LRP6: variants seen among roughly 807,000 people sequenced by gnomAD.
LRP6 encodes LDL receptor related protein 6, also known as low-density lipoprotein receptor-related protein 6.
In LRP6, 43 loss-of-function variants were observed where a neutral mutation model predicts 184.1. The observed-to-expected ratio is 0.23, with a 90% CI of 0.18 to 0.30. The LOEUF is 0.30. LRP6 is among the 10% of genes least tolerant of loss of function. LRP6 has a pLI of 1.00. For missense variants in LRP6, 1,571 were observed against 2,005.3 expected, an observed-to-expected ratio of 0.78 and a Z score of 4.14; for synonymous variants, 719 against 684.9, an observed-to-expected ratio of 1.05 and a Z score of -0.78.
rs192325150 is a variant in LRP6, at chr12:12,196,888, C to T, written c.647+6315G>A. On this transcript the variant is annotated intron_variant, in intron 3 of 22. Coordinates refer to ENST00000261349, the MANE Select transcript of LRP6 (RefSeq NM_002336.3). The stretch of plus-strand genomic sequence containing the variant: ...TTCTTCTTGTGATGTTAGTAGCCAT[C>T]GACGCTCACCACCTAGACCCATTCG... Among the ~76,000 whole-genome samples, 8 of 152,150 alleles carry T rather than the reference C, an allele frequency of 5.3e-5. No homozygotes were observed. In the East Asian group the frequency reaches 1.5e-3, roughly 29 times the overall value.
At chr12:12,170,461 A>C (rs1206616010) in intron 7 of LRP6, among the ~76,000 whole-genome samples, 1 of 149,804 alleles carries the variant, frequency 6.7e-6, no homozygotes, top group Non-Finnish European at 1.5e-5. Flanking sequence ...TTTTTTTTTT[A>C]ATACTAGGTC....
chr12:12,230,433 G>C (rs1864753619), intron 2 of LRP6, among the ~76,000 whole-genome samples: 1 of 151,886 alleles, frequency 6.6e-6, no homozygotes, highest in East Asian at 1.9e-4. Context: ...CTAGACTAAA[G>C]GGATGAAATT....
rs571622261 is a variant in LRP6 at position 12,236,199 on chromosome 12, C to T, written c.449+8063G>A. Reference sequence around the variant, plus strand: ...CCAAGATGGCGCCACTGCACTCCAGCCTGGGCGACAGAGCAAAACTCCGTC... The same window carrying T: ...CCAAGATGGCGCCACTGCACTCCAGTCTGGGCGACAGAGCAAAACTCCGTC... On this transcript the variant is annotated intron_variant, in intron 2 of 22. Coordinates refer to ENST00000261349, the MANE Select transcript of LRP6 (RefSeq NM_002336.3). 5.9e-5 allele frequency among the ~76,000 whole-genome samples: 9 copies of T among 152,148 alleles called. No individual in the cohort carries two copies. In the South Asian group the frequency reaches 1.7e-3, roughly 28 times the overall value.
chr12:12,194,068 T>A (rs1403595814), intron 3 of LRP6, among the ~76,000 whole-genome samples: 3 of 152,036 alleles, frequency 2.0e-5, no homozygotes, highest in Non-Finnish European at 4.4e-5. Context: ...AAATTCACCA[T>A]GTTCATAAAA....
intron 10 of LRP6, among the ~76,000 whole-genome samples, chr12:12,161,694 C>G (rs1862745578): frequency 6.6e-6 from 1 of 152,208 alleles, no homozygotes; most frequent in Non-Finnish European, 1.5e-5. Flanking sequence ...ATGTTGTGAA[C>G]AGTTTATTCT....
chr12:12,149,850 C>T (rs1187109634), intron 13 of LRP6, among the ~76,000 whole-genome samples: 2 of 152,184 alleles, frequency 1.3e-5, no homozygotes, highest in Non-Finnish European at 2.9e-5. Flanking sequence ...GCCATCTGAA[C>T]TGTATCTTAC....
intron 15 of LRP6, among the ~76,000 whole-genome samples, chr12:12,145,757 G>A (rs1949998733): frequency 2.0e-5 from 3 of 150,208 alleles, no homozygotes; most frequent in African/African-American, 4.9e-5. Flanking sequence ...TCAGCCTGCC[G>A]AGTAGCTGAG....
chr12:12,140,756 A>G (rs1949921216), intron 15 of LRP6, among the ~76,000 whole-genome samples: 1 of 152,044 alleles, frequency 6.6e-6, no homozygotes, highest in South Asian at 2.1e-4. Context: ...CGCACCCGTC[A>G]CCATGCCAGG....
intron 3 of LRP6, among the ~76,000 whole-genome samples, chr12:12,192,662 G>A (rs1863647837): frequency 6.6e-6 from 1 of 151,966 alleles, no homozygotes; most frequent in African/African-American, 2.4e-5. Flanking sequence ...ACAGTGGCAG[G>A]TTTTATGAGA....
intron 2 of LRP6, among the ~76,000 whole-genome samples, chr12:12,216,776 T>C (rs1251232768): frequency 1.3e-5 from 2 of 152,038 alleles, no homozygotes; most frequent in Non-Finnish European, 2.9e-5. Flanking sequence ...CTTAAGGCCA[T>C]TTTCCAGAAT....
chr12:12,171,101 C>G (rs992119307), intron 7 of LRP6, among the ~76,000 whole-genome samples: 1 of 139,396 alleles, frequency 7.2e-6, no homozygotes, highest in African/African-American at 3.4e-5. Flanking sequence ...TCATGGTCGT[C>G]TCTACTCTGC....
chr12:12,199,373 GA>G (rs908730922), intron 3 of LRP6, among the ~76,000 whole-genome samples: 3 of 151,254 alleles, frequency 2.0e-5, no homozygotes, highest in Non-Finnish European at 4.4e-5. Flanking sequence ...ACTTTGAAGT[GA>G]AAAAAAAGGT....
intron 2 of LRP6, among the ~76,000 whole-genome samples, chr12:12,206,038 C>T (rs1363908854): frequency 6.6e-6 from 1 of 152,200 alleles, no homozygotes; most frequent in Non-Finnish European, 1.5e-5. Context: ...ACTGCCACCA[C>T]ATTCAGTATC....
intron 12 of LRP6, among the ~76,000 whole-genome samples, chr12:12,153,323 G>A (rs1950106481): frequency 6.6e-6 from 1 of 152,084 alleles, no homozygotes; most frequent in Non-Finnish European, 1.5e-5. Context: ...ACCCCCTTCT[G>A]TTTAAAAGAC....
At chr12:12,230,754 C>G (rs1864762081) in intron 2 of LRP6, among the ~76,000 whole-genome samples, 1 of 152,110 alleles carries the variant, frequency 6.6e-6, no homozygotes, top group Non-Finnish European at 1.5e-5. Context: ...TACAAAACAT[C>G]TAGAACTACT....
rs183488864 is a variant in LRP6 at position 12,173,081 on chromosome 12, A to G, written c.1545+6729T>C. Among the ~76,000 whole-genome samples the G allele has an allele frequency of 7.0e-3, 1,059 of 152,272 alleles. 15 individuals are homozygous for G. Among genetic ancestry groups the G allele is most frequent in the Non-Finnish European group, 7.5e-3 (509 of 68,018 alleles). On this transcript the variant is annotated intron_variant, in intron 7 of 22. Transcript: ENST00000261349. ...AATTACTATGCTCTTTTTCTGTTAGAGCTAAAAATTGCTACTGTGACCAAA... is the reference window on the plus strand; with the variant it reads ...AATTACTATGCTCTTTTTCTGTTAGGGCTAAAAATTGCTACTGTGACCAAA...
intron 19 of LRP6, 131 bp downstream of exon 19, chr12:12,130,652 C>A: frequency 1.5e-6 from 1 of 648,900 alleles, no homozygotes. Flanking sequence ...AAAACCTTCA[C>A]ACAAATAATT....
At position 12,116,381 on chromosome 12, in the gene LRP6, T is replaced by C. The variant is rs1949520051; in HGVS notation, c.*4745A>G. On this transcript the variant is annotated 3_prime_UTR_variant, in exon 23 of 23. Coordinates refer to ENST00000261349, the MANE Select transcript of LRP6 (RefSeq NM_002336.3). ...TGCAAATAAGGCTAGTCCAGTTTAATCTTCTTGGTATCCTCTCTACTTTTT... is the reference window on the plus strand; with the variant it reads ...TGCAAATAAGGCTAGTCCAGTTTAACCTTCTTGGTATCCTCTCTACTTTTT... The C allele has an allele frequency of 6.6e-6, 1 of 152,224 alleles. No homozygotes were observed. The highest frequency in any genetic ancestry group is 2.1e-4 in the South Asian group (1 of 4,834). The allele number at this position is 152,224 out of a possible 1,614,324, so 9.4% of individuals were successfully genotyped here.
chr12:12,188,462 G>C lies in LRP6; in HGVS notation c.648-1343C>G, dbSNP rs7969154. On this transcript the variant is annotated intron_variant, in intron 3 of 22. Coordinates refer to ENST00000261349, the MANE Select transcript of LRP6 (RefSeq NM_002336.3). ...AAGTATCATATATTTTAAGGAAGAT[G>C]ATTCAATTTTCAGGTCCTTGAGGTT... 8.1e-3 allele frequency among the ~76,000 whole-genome samples: 1,228 copies of C among 152,196 alleles called. 16 individuals are homozygous for C. Among genetic ancestry groups the C allele is most frequent in the African/African-American group, 0.028 (1,168 of 41,518 alleles).
Sources: allele counts gnomAD v4.1 joint callset (sites outside exome capture counted in the v4.1 genomes callset), GRCh38; gene constraint gnomAD v4.1.1; transcripts MANE v1.5; gene names NCBI Gene and HGNC (gene_info 2026-07-23, HGNC 2026-07-21).